The following FAM217A variants were observed in gnomAD, a reference collection of about 807,000 sequenced individuals.
FAM217A encodes the protein protein FAM217A.
FAM217A carries 13 observed loss-of-function variants against 18.5 expected under a neutral mutation model. That is an observed-to-expected ratio of 0.70 (90% CI 0.46 to 1.12). The LOEUF is 1.12. FAM217A is among the 50% of genes most tolerant of loss of function. The pLI, the probability that FAM217A is intolerant of heterozygous loss-of-function variation, is 0.00. For missense variants in FAM217A, 560 were observed against 575.4 expected (o/e 0.97, Z 0.27); for synonymous variants, 161 against 202.8 (o/e 0.79, Z 1.75).
chr6:4,083,429 A>G (rs1770430510), upstream of FAM217A, among the ~76,000 whole-genome samples: 1 of 152,138 alleles, frequency 6.6e-6, no homozygotes, highest in African/African-American at 2.4e-5. Context: ...CTCCTTCAGT[A>G]TCTTTCACCT....
intron 6 of FAM217A, among the ~76,000 whole-genome samples, chr6:4,070,377 T>C (rs1241070883): frequency 6.6e-6 from 1 of 152,190 alleles, no homozygotes; most frequent in Admixed American, 6.5e-5. Flanking sequence ...TAAAAAGCCT[T>C]CTATGTTAGC....
At chr6:4,077,584 G>A in intron 1 of FAM217A, 136 bp from the exon 2 acceptor site, 1 of 742,404 alleles carries the variant, frequency 1.3e-6, no homozygotes, top group Non-Finnish European at 2.3e-6. Context: ...AGGAGAGCAG[G>A]GTGGGGGTGA....
chr6:4,070,095 A>G (rs1769305797), intron 6 of FAM217A, among the ~76,000 whole-genome samples, 175 bp from the exon 7 acceptor site: 1 of 152,240 alleles, frequency 6.6e-6, no homozygotes, highest in East Asian at 1.9e-4. Flanking sequence ...GCTCTAATAT[A>G]CAACTACATA....
rs372639777 is a variant in FAM217A, at chr6:4,069,046, T to C, written c.1177A>G (p.Lys393Glu). ...TTATCATAAGTTTCAATCAATTGTT[T>C]TGGGGTGGAAGAACTTTTTAGAGAC... ...PLSLKSSSTP[K>E]QLIETYDKNP... Residue 393 changes from lysine (K) to glutamate (E), a missense_variant, in exon 7 of 7, where the codon AAA becomes GAA. Coordinates refer to ENST00000274673, the MANE Select transcript of FAM217A (RefSeq NM_173563.3). The C allele has an allele frequency of 1.2e-6, 2 of 1,614,022 alleles. No homozygotes were observed. Among genetic ancestry groups the C allele is most frequent in the Non-Finnish European group, 1.7e-6 (2 of 1,179,992 alleles).
rs1261026831 is a variant in FAM217A at position 4,077,214 on chromosome 6, T to C, written c.60+141A>G. The C allele has an allele frequency of 1.4e-5, 10 of 716,804 alleles. No homozygotes were observed. The Admixed American group carries it at 2.6e-4, about 18-fold the overall frequency. The allele number at this position is 716,804 out of a possible 1,614,324, so 44.4% of individuals were successfully genotyped here. On this transcript the variant is annotated intron_variant, in intron 2 of 6. Coordinates refer to ENST00000274673, the MANE Select transcript of FAM217A (RefSeq NM_173563.3). ...GAAAATTTCCATTTGCTGTTCCAAA[T>C]GTGCCAAAAGGAAAACACAGGATAA...
At position 4,073,309 on chromosome 6, in the gene FAM217A, A is replaced by C. The variant is rs1201074525; in HGVS notation, c.268T>G (p.Cys90Gly). 1 of 1,610,114 alleles carries C rather than the reference A, an allele frequency of 6.2e-7. No homozygotes were observed. Among genetic ancestry groups the C allele is most frequent in the Admixed American group, 1.7e-5 (1 of 59,818 alleles). Residue 90 changes from cysteine to glycine, a missense_variant, in exon 6 of 7, where the codon TGT (cysteine) becomes GGT (glycine). Cys to Gly is a radical substitution (Grantham distance 159). Transcript: ENST00000274673. The part of the protein sequence containing the change: ...SKQGIFQLWN[C>G]PLNEGSTIEK... ...ATGGTACTTCCTTCATTAAGAGGAC[A>C]ATTCCATAATTGAAAGATCCCTTGT...
At chr6:4,074,212 A>G (rs1769615139) in intron 4 of FAM217A, among the ~76,000 whole-genome samples, 1 of 152,224 alleles carries the variant, frequency 6.6e-6, no homozygotes, top group African/African-American at 2.4e-5. Context: ...AAAAAATACT[A>G]TACTCAATTT....
intron 2 of FAM217A, among the ~76,000 whole-genome samples, chr6:4,077,042 T>C (rs1251461922): frequency 6.6e-6 from 1 of 152,216 alleles, no homozygotes. Flanking sequence ...ACCAATATTT[T>C]TCACAAAGGG....
rs1769556824 is a variant in FAM217A at position 4,073,470 on chromosome 6, T to C, written c.197A>G (p.Glu66Gly). The change falls in exon 5 of 7, where the codon GAA becomes GGA. Residue 66 changes from glutamate (E) to glycine (G), a missense_variant. Transcript: ENST00000274673. The part of the protein sequence containing the change: ...LEIPVEQLML[E>G]PNLSVHSQKS... ...TTGACTATGCACCGACAAATTAGGT[T>C]CTAGCATCAGTTGCTCCACTGGAAT... is the stretch of plus-strand genomic sequence containing the variant. 1 of 1,613,518 alleles carries C rather than the reference T, an allele frequency of 6.2e-7. No homozygotes were observed. The highest frequency in any genetic ancestry group is 8.5e-7 in the Non-Finnish European group (1 of 1,179,804).
chr6:4,068,553 G>A lies in FAM217A; in HGVS notation c.*143C>T. The A allele has an allele frequency of 2.3e-6, 2 of 855,588 alleles. No homozygotes were observed. Among genetic ancestry groups the A allele is most frequent in the East Asian group, 2.6e-5 (1 of 38,624 alleles). 53.0% of individuals were successfully genotyped at this position (855,588 alleles called of 1,614,324 possible). A position where few individuals can be genotyped will look rare whatever the true frequency, so the allele number is the denominator to read the frequency against. On this transcript the variant is annotated 3_prime_UTR_variant, in exon 7 of 7. Coordinates refer to ENST00000274673, the MANE Select transcript of FAM217A (RefSeq NM_173563.3). ...GACATCTCAGCAGTGCTTTTCACAA[G>A]TTCTACTCCATATCACATCAAGCAA...
At position 4,073,412 on chromosome 6, in the gene FAM217A, G is replaced by T. The variant is rs748157738; in HGVS notation, c.234+21C>A. ...ATTTTTAAAATATAATATTTTAAGG[G>T]TATGAAGAATAAAATCCCACCTGTG... is the stretch of plus-strand genomic sequence containing the variant. On this transcript the variant is annotated intron_variant, in intron 5 of 6. Transcript: ENST00000274673. The T allele has an allele frequency of 8.1e-6, 13 of 1,603,930 alleles. No homozygotes were observed. The Admixed American group carries it at 1.5e-4, about 19-fold the overall frequency.
chr6:4,080,150 T>C (rs930206305), upstream of FAM217A, among the ~76,000 whole-genome samples: 7 of 152,190 alleles, frequency 4.6e-5, no homozygotes, highest in African/African-American at 7.2e-5. Context: ...TGCACTTATA[T>C]ACCACATGTT....
At chr6:4,081,531 C>G (rs1170067394), upstream of FAM217A, among the ~76,000 whole-genome samples, 2 of 152,242 alleles carry the variant, frequency 1.3e-5, no homozygotes, top group South Asian at 4.1e-4. Flanking sequence ...AGGCTGGTCT[C>G]GAACTCCTGA....
chr6:4,083,467 A>G (rs147902600), upstream of FAM217A, among the ~76,000 whole-genome samples: 1 of 152,020 alleles, frequency 6.6e-6, no homozygotes, highest in East Asian at 1.9e-4. Flanking sequence ...ATTTGTCCTC[A>G]TCTTCCTTTG....
At position 4,084,701 on chromosome 6, in the gene FAM217A, TTCTC is replaced by T. The variant is rs1473883583; in HGVS notation, c.124_127del (p.Glu42ArgfsTer12). The T allele has an allele frequency of 1.4e-6, 1 of 702,882 alleles. No homozygotes were observed. The highest frequency in any genetic ancestry group is 2.6e-6 in the Non-Finnish European group (1 of 385,010). The allele number at this position is 702,882 out of a possible 1,614,324, so 43.5% of individuals were successfully genotyped here. ...TTCCTTAAAAAACTTGGAGCTAATC[TTCTC>T]TCTGTGAACATTACTGAACACCTTG... On this transcript the variant is annotated frameshift_variant, in exon 2 of 9. Transcript: ENST00000639338. LOFTEE classifies it high-confidence loss of function.
Position 4,073,903 on chromosome 6 carries a change from G to A in FAM217A, c.160-396C>T, listed in dbSNP as rs182045217. ...GTTCTGTTGCCCAGGCTGGAGTACG[G>A]GGGCACGAACTCGGCTCACTGAAAC... On this transcript the variant is annotated intron_variant, in intron 4 of 6. Coordinates refer to ENST00000274673, the MANE Select transcript of FAM217A (RefSeq NM_173563.3). Among the ~76,000 whole-genome samples the A allele has an allele frequency of 3.3e-3, 505 of 152,208 alleles. 3 individuals are homozygous for A. The highest frequency in any genetic ancestry group is 0.011 in the African/African-American group (466 of 41,532).
intron 1 of FAM217A, among the ~76,000 whole-genome samples, chr6:4,077,743 G>A (rs1033869618): frequency 6.6e-6 from 1 of 152,150 alleles, no homozygotes; most frequent in African/African-American, 2.4e-5. Flanking sequence ...AATACACATT[G>A]GAACAAACTA....
chr6:4,079,164 G>C (rs1770081745), upstream of FAM217A: 1 of 328,958 alleles, frequency 3.0e-6, no homozygotes, highest in South Asian at 1.5e-4. Flanking sequence ...AACTACCAGA[G>C]AGCGGGGGCG....
Position 4,069,178 on chromosome 6 carries a change from T to C in FAM217A, c.1045A>G (p.Ser349Gly). ...LSLQIPCVDK[S>G]QEKSKNNSGS... The stretch of plus-strand genomic sequence containing the variant: ...GAGTTGTTTTTACTTTTTTCTTGAC[T>C]TTTATCTACACAAGGTATCTGAAGA... The change falls in exon 7 of 7, where the codon AGT becomes GGT. Residue 349 changes from serine to glycine, a missense_variant. Ser to Gly is a moderately conservative substitution (Grantham distance 56). Transcript: ENST00000274673. 1.2e-6 allele frequency: 2 copies of C among 1,613,804 alleles called. No homozygotes were observed. Among genetic ancestry groups the C allele is most frequent in the Non-Finnish European group, 1.7e-6 (2 of 1,179,974 alleles).
Sources: allele counts gnomAD v4.1 joint callset (sites outside exome capture counted in the v4.1 genomes callset), GRCh38; gene constraint gnomAD v4.1.1; transcripts MANE v1.5; gene names NCBI Gene and HGNC (gene_info 2026-07-23, HGNC 2026-07-21).